Variants in MRPS18B observed in about 807,000 individuals in gnomAD.
MRPS18B encodes small ribosomal subunit protein mS40.
Under a neutral mutation model 28.4 loss-of-function variants are expected in MRPS18B, and 27 were observed. The ratio of observed to expected loss-of-function variants is 0.95; its 90% CI spans 0.70 to 1.31. MRPS18B has a LOEUF of 1.31. Ranked by LOEUF, MRPS18B falls within the 40% of genes most tolerant of loss-of-function variation. The pLI is 0.00. For missense variants in MRPS18B, 343 were observed against 335.9 expected, an observed-to-expected ratio of 1.02 and a Z score of -0.17; for synonymous variants, 118 against 123.7, an observed-to-expected ratio of 0.95 and a Z score of 0.30.
At chr6:30,621,310 G>A (rs1582705509) in intron 4 of MRPS18B, among the ~76,000 whole-genome samples, 1 of 152,224 alleles carries the variant, frequency 6.6e-6, no homozygotes, top group Admixed American at 6.5e-5. Context: ...GCTGAGGCAG[G>A]AGAATTGCTT....
chr6:30,620,036 G>A (rs1358562321), intron 4 of MRPS18B, 47 bp downstream of exon 4: 12 of 1,585,804 alleles, frequency 7.6e-6, no homozygotes, highest in Middle Eastern at 1.7e-4. Flanking sequence ...AAAGATTAGG[G>A]GCTGGGCGCG....
At chr6:30,623,052 G>A (rs990904442) in intron 5 of MRPS18B, among the ~76,000 whole-genome samples, 154 bp downstream of exon 5, 1 of 152,160 alleles carries the variant, frequency 6.6e-6, no homozygotes, top group Non-Finnish European at 1.5e-5. Context: ...GGGGGCTAAA[G>A]TAATTAAATG....
chr6:30,625,615 T>C lies in MRPS18B; in HGVS notation c.595T>C (p.Trp199Arg). 6.2e-7 allele frequency: 1 copy of C among 1,613,072 alleles called. No homozygotes were observed. The highest frequency in any genetic ancestry group is 8.5e-7 in the Non-Finnish European group (1 of 1,180,008). ...PAPTLVSGDP[W>R]YPWYNWKQPP... ...CCCCACCCTGGTCTCAGGTGACCCC[T>C]GGTACCCATGGTACAACTGGAAACA... Residue 199 changes from tryptophan to arginine, a missense_variant, in exon 7 of 7, where the codon TGG (tryptophan) becomes CGG (arginine). Trp to Arg is a moderately radical substitution (Grantham distance 101, BLOSUM62 -3). Transcript: ENST00000259873.
At chr6:30,624,484 A>G (rs190650238) in intron 5 of MRPS18B, among the ~76,000 whole-genome samples, 72 of 152,356 alleles carry the variant, frequency 4.7e-4, no homozygotes, top group African/African-American at 1.7e-3. Context: ...GTCAAGCTGT[A>G]AAGGCTGAAG....
intron 1 of MRPS18B, among the ~76,000 whole-genome samples, 185 bp downstream of exon 1, chr6:30,618,128 G>C (rs1180114206): frequency 7.1e-6 from 1 of 141,578 alleles, no homozygotes; most frequent in East Asian, 2.1e-4. Context: ...AGGACTAAAC[G>C]CCAGGGTTAG....
intron 5 of MRPS18B, 79 bp from the exon 6 acceptor site, chr6:30,624,804 C>T (rs1268572324): frequency 2.6e-6 from 4 of 1,510,798 alleles, no homozygotes; most frequent in Non-Finnish European, 3.7e-6. Flanking sequence ...TCCCAATCTA[C>T]CCCTCTGTCA....
In MRPS18B at chr6:30,619,521, C is replaced by T. The variant is rs550024087; in HGVS notation, c.107C>T (p.Ala36Val). ...QVPLQTLCTK[A>V]PSEEDSLSSV... ...CCCCTCCAGACTCTTTGCACCAAAG[C>T]TCCCTCTGAGGAAGATTCTTTGTCC... Residue 36 changes from alanine (A) to valine (V), a missense_variant, in exon 2 of 7, where the codon GCT becomes GTT. Transcript: ENST00000259873. The T allele has an allele frequency of 1.2e-6, 2 of 1,613,012 alleles. No individual in the cohort carries two copies. The highest frequency in any genetic ancestry group is 1.3e-5 in the African/African-American group (1 of 75,050).
intron 4 of MRPS18B, 70 bp from the exon 5 acceptor site, chr6:30,622,762 T>G (rs574867224): frequency 6.8e-7 from 1 of 1,465,100 alleles, no homozygotes; most frequent in African/African-American, 1.4e-5. Flanking sequence ...TTGTGTACTT[T>G]CGATGTCCAA....
chr6:30,625,736 C>A lies in MRPS18B; in HGVS notation c.716C>A (p.Pro239His). Residue 239 changes from proline (P) to histidine (H), a missense_variant, in exon 7 of 7, where the codon CCC becomes CAC. Coordinates refer to ENST00000259873, the MANE Select transcript of MRPS18B (RefSeq NM_014046.4). The part of the protein sequence containing the change: ...GPPPESMPKM[P>H]PRTPAEASST... ...CCACCTGAGTCAATGCCCAAGATGCCCCCTAGAACACCAGCGGAAGCCTCC... is the reference window on the plus strand; with the variant it reads ...CCACCTGAGTCAATGCCCAAGATGCACCCTAGAACACCAGCGGAAGCCTCC... The A allele has an allele frequency of 6.2e-7, 1 of 1,613,036 alleles. No individual in the cohort carries two copies. Among genetic ancestry groups the A allele is most frequent in the Non-Finnish European group, 8.5e-7 (1 of 1,179,990 alleles).
intron 2 of MRPS18B, 34 bp from the exon 3 acceptor site, chr6:30,619,675 A>T: frequency 6.2e-7 from 1 of 1,611,358 alleles, no homozygotes; most frequent in Non-Finnish European, 8.5e-7. Context: ...CTACACTCCC[A>T]CCCAGGAATA....
At position 30,622,845 on chromosome 6, in the gene MRPS18B, T is replaced by C. The variant is rs1486266204; in HGVS notation, c.368T>C (p.Leu123Ser). The C allele has an allele frequency of 1.9e-6, 3 of 1,612,960 alleles. No homozygotes were observed. Among genetic ancestry groups the C allele is most frequent in the Non-Finnish European group, 2.5e-6 (3 of 1,180,042 alleles). The change falls in exon 5 of 7, where the codon TTG becomes TCG. Residue 123 changes from leucine (L) to serine (S), a missense_variant. Coordinates refer to ENST00000259873, the MANE Select transcript of MRPS18B (RefSeq NM_014046.4). Reference protein sequence around the residue: ...LHVDFRNVKLLEQFVCAHTGI... With the variant: ...LHVDFRNVKLSEQFVCAHTGI... ...TTTCCCCCACAGAACGTGAAGCTCT[T>C]GGAGCAATTTGTCTGCGCCCACACG... is the stretch of plus-strand genomic sequence containing the variant.
chr6:30,620,134 G>A (rs1477183654), intron 4 of MRPS18B, 145 bp downstream of exon 4: 15 of 741,954 alleles, frequency 2.0e-5, no homozygotes, highest in Non-Finnish European at 3.4e-5. Context: ...TGGCTAACAC[G>A]GTGAAACCCC....
intron 4 of MRPS18B, 92 bp downstream of exon 4, chr6:30,620,081 G>T: frequency 1.7e-6 from 2 of 1,210,984 alleles, no homozygotes; most frequent in East Asian, 2.3e-5. Flanking sequence ...ACTTTGGGAG[G>T]CCAAGGCAGG....
chr6:30,618,066 T>A, intron 1 of MRPS18B, 123 bp downstream of exon 1: 1 of 973,832 alleles, frequency 1.0e-6, no homozygotes, highest in African/African-American at 1.6e-5. Context: ...GTCTAGGCAG[T>A]ACTTCCTGCA....
Position 30,626,064 on chromosome 6 carries a change from A to C in MRPS18B, c.*267A>C. ...CAGTGAGTTGCAGTCACACCCCTGC[A>C]CTCCAGCCTGGGTGACAGCTAGACC... On this transcript the variant is annotated 3_prime_UTR_variant, in exon 7 of 7. Coordinates refer to ENST00000259873, the MANE Select transcript of MRPS18B (RefSeq NM_014046.4). 1 of 423,120 alleles carries C rather than the reference A, an allele frequency of 2.4e-6. No homozygotes were observed. The highest frequency in any genetic ancestry group is 4.2e-6 in the Non-Finnish European group (1 of 239,216). The allele number at this position is 423,120 out of a possible 1,614,324, so 26.2% of individuals were successfully genotyped here.
At chr6:30,619,885 G>C in intron 3 of MRPS18B, 36 bp from the exon 4 acceptor site, 1 of 1,612,778 alleles carries the variant, frequency 6.2e-7, no homozygotes, top group Non-Finnish European at 8.5e-7. Flanking sequence ...TGACGTGTTT[G>C]AACATCCTTA....
intron 4 of MRPS18B, among the ~76,000 whole-genome samples, chr6:30,622,196 A>G (rs1474117820): frequency 5.9e-5 from 9 of 152,172 alleles, no homozygotes; most frequent in African/African-American, 1.9e-4. Flanking sequence ...ACATTACAAT[A>G]TCATTTTTTG....
chr6:30,621,216 A>G (rs765610463), intron 4 of MRPS18B, among the ~76,000 whole-genome samples: 19 of 152,266 alleles, frequency 1.2e-4, no homozygotes, highest in Non-Finnish European at 1.9e-4. Context: ...AGCCTGGCCA[A>G]CGTGGTGAAA....
At position 30,624,482 on chromosome 6, in the gene MRPS18B, G is replaced by A. The variant is rs186305244; in HGVS notation, c.422-401G>A. On this transcript the variant is annotated intron_variant, in intron 5 of 6. Transcript: ENST00000259873. ...GTCAAGAGTTTCTTATAGTCAAGCTGTAAAGGCTGAAGGGACTATTATTGT... is the reference window on the plus strand; with the variant it reads ...GTCAAGAGTTTCTTATAGTCAAGCTATAAAGGCTGAAGGGACTATTATTGT... 2.8e-4 allele frequency among the ~76,000 whole-genome samples: 42 copies of A among 152,334 alleles called. No homozygotes were observed. In the East Asian group the frequency reaches 7.5e-3, roughly 27 times the overall value.
Sources: gnomAD v4.1 joint callset for allele counts (sites outside exome capture counted in the v4.1 genomes callset) on GRCh38, gnomAD v4.1.1 for gene constraint, MANE v1.5 for transcripts, NCBI Gene and HGNC (gene_info 2026-07-23, HGNC 2026-07-21) for gene names.